The following CCDC180 variants were observed in gnomAD, a reference collection of about 807,000 sequenced individuals.
CCDC180 encodes the protein coiled-coil domain-containing protein 180.
CCDC180 carries 154 observed loss-of-function variants against 209.2 expected under a neutral mutation model. The observed-to-expected ratio is 0.74, with a 90% CI of 0.65 to 0.84. The LOEUF (loss-of-function observed/expected upper bound fraction) is 0.84, where lower values mean the gene tolerates loss of function less well. Ranked by LOEUF, CCDC180 falls within the 40% of genes least tolerant of loss-of-function variation. The pLI is 0.00. For missense variants in CCDC180, 1,874 were observed against 1,997.3 expected (o/e 0.94, Z 1.18); for synonymous variants, 778 against 749.1 (o/e 1.04, Z -0.63).
rs1587843171 is a variant in CCDC180 at position 97,378,382 on chromosome 9, G to T, written c.*1488G>T. 6.6e-6 allele frequency: 1 copy of T among 152,206 alleles called. No homozygotes were observed. The highest frequency in any genetic ancestry group is 3.4e-3 in the Middle Eastern group (1 of 294). The allele number at this position is 152,206 out of a possible 1,614,324, so 9.4% of individuals were successfully genotyped here. On this transcript the variant is annotated 3_prime_UTR_variant, in exon 37 of 37. Transcript: ENST00000529487. ...CCTTCAGTATTCATTTACATCATTG[G>T]TTTTCATACTTTTCTGACTCTGACC...
At position 97,312,760 on chromosome 9, in the gene CCDC180, A is replaced by G. The variant is rs377402311; in HGVS notation, c.350-476A>G. Among the ~76,000 whole-genome samples, 125 of 139,304 alleles carry G rather than the reference A, an allele frequency of 9.0e-4. 4 individuals carry two copies. The South Asian group carries it at 0.02, about 23-fold the overall frequency. 91.4% of individuals were successfully genotyped at this position (139,304 alleles called of 152,430 possible). On this transcript the variant is annotated intron_variant, in intron 4 of 36. Coordinates refer to ENST00000529487, the MANE Select transcript of CCDC180 (RefSeq NM_020893.6). ...TAAAGGGGACAGCAGAGCATATGGC[A>G]GGAGCACAGACCTGGAAGCAAGTGG... is the stretch of plus-strand genomic sequence containing the variant.
rs149686529 is a variant in CCDC180, at chr9:97,314,469, G to A, written c.536G>A (p.Arg179His). ...ACTGAGTCTGATGAAGAAATGAACC[G>A]TCTCTTCCTAAAGGTGGAAAATGAC... ...KLTESDEEMN[R>H]LFLKVENDTN... The change falls in exon 6 of 37, where the codon CGT (arginine) becomes CAT (histidine). Residue 179 changes from arginine (R) to histidine (H), a missense_variant. Physicochemically the swap from Arg to His is conservative, Grantham distance 29 (BLOSUM62 0). Coordinates refer to ENST00000529487, the MANE Select transcript of CCDC180 (RefSeq NM_020893.6). 8.9e-4 allele frequency: 1,430 copies of A among 1,614,088 alleles called. 3 individuals are homozygous for A. Among genetic ancestry groups the A allele is most frequent in the South Asian group, 3.1e-3 (282 of 91,080 alleles).
rs1355695937 is a variant in CCDC180 at position 97,359,983 on chromosome 9, C to G, written c.3365C>G (p.Thr1122Arg). 1.2e-6 allele frequency: 2 copies of G among 1,613,774 alleles called. No individual in the cohort carries two copies. The highest frequency in any genetic ancestry group is 1.7e-6 in the Non-Finnish European group (2 of 1,179,796). ...TCQESRGEKT[T>R]VTTEELLSFV... ...TTTCTTCCTCCCTTTTCTCACCAGACAGTGACCACAGAAGAACTCCTCAGC... is the reference window on the plus strand; with the variant it reads ...TTTCTTCCTCCCTTTTCTCACCAGAGAGTGACCACAGAAGAACTCCTCAGC... Residue 1122 changes from threonine to arginine, a missense_variant and splice_region_variant, in exon 26 of 37, where the codon ACA becomes AGA. By Grantham distance (71) the Thr-to-Arg change is moderately conservative. Transcript: ENST00000529487.
chr9:97,321,866 A>T (rs1246690846), intron 11 of CCDC180, among the ~76,000 whole-genome samples: 1 of 152,180 alleles, frequency 6.6e-6, no homozygotes, highest in Non-Finnish European at 1.5e-5. Context: ...CCAAGCAGGG[A>T]TACAGTGTAC....
chr9:97,374,851 G>C (rs1047933173), intron 35 of CCDC180, among the ~76,000 whole-genome samples: 4 of 152,204 alleles, frequency 2.6e-5, no homozygotes, highest in African/African-American at 9.7e-5. Flanking sequence ...GGTAGTACCT[G>C]GGGTGCCCCA....
chr9:97,351,036 A>G (rs1453798113), intron 22 of CCDC180, among the ~76,000 whole-genome samples: 1 of 152,134 alleles, frequency 6.6e-6, no homozygotes, highest in Non-Finnish European at 1.5e-5. Context: ...TATATATCAC[A>G]TTTTGTTTAC....
At chr9:97,364,233 G>A in intron 29 of CCDC180, 105 bp downstream of exon 29, 1 of 1,060,248 alleles carries the variant, frequency 9.4e-7, no homozygotes, top group Non-Finnish European at 1.4e-6. Context: ...GGGAAAGGCA[G>A]GTCCAAGCAG....
chr9:97,367,370 A>G (rs539959855), intron 31 of CCDC180, among the ~76,000 whole-genome samples: 2 of 152,176 alleles, frequency 1.3e-5, no homozygotes, highest in East Asian at 1.9e-4. Flanking sequence ...AGGAGAGTTC[A>G]GGGGATAGCC....
In CCDC180 at chr9:97,314,432, T is replaced by C. The variant is rs1833090550; in HGVS notation, c.499T>C (p.Leu167=). The change falls in exon 6 of 37, where the codon TTG becomes CTG. Residue 167 remains leucine (L), a synonymous_variant. Transcript: ENST00000529487. The part of the protein sequence containing the change: ...PLIVDTGGLF[L]KKLTESDEEM... ...CATCGTGGACACAGGGGGACTTTTT[T>C]TGAAGAAGCTGACTGAGTCTGATGA... 4 of 1,614,146 alleles carry C rather than the reference T, an allele frequency of 2.5e-6. No individual in the cohort carries two copies. Among genetic ancestry groups the C allele is most frequent in the East Asian group, 2.2e-5 (1 of 44,884 alleles).
At chr9:97,308,863 A>C (rs1265648409) in intron 2 of CCDC180, among the ~76,000 whole-genome samples, 5 of 152,200 alleles carry the variant, frequency 3.3e-5, no homozygotes, top group African/African-American at 1.2e-4. Context: ...GCCATTCTTA[A>C]CTCATGGCAT....
rs140341213 is a variant in CCDC180, at chr9:97,322,917, G to A, written c.1244G>A (p.Cys415Tyr). ...WQECLMHVQNCKKQLLDWKAF... is the reference protein window; with the variant it reads ...WQECLMHVQNYKKQLLDWKAF... ...GAGTGCCTGATGCATGTGCAGAATT[G>A]TAAGGTGGGCACCCTTCCTGCAGGC... The change falls in exon 12 of 37, where the codon TGT (cysteine) becomes TAT (tyrosine). Residue 415 changes from cysteine to tyrosine, a missense_variant. Physicochemically the swap from Cys to Tyr is radical, Grantham distance 194. Transcript: ENST00000529487. 20 of 1,613,672 alleles carry A rather than the reference G, an allele frequency of 1.2e-5. No individual in the cohort carries two copies. In the African/African-American group the frequency reaches 2.1e-4, roughly 17 times the overall value.
intron 29 of CCDC180, chr9:97,365,463 G>A: frequency 1.9e-6 from 1 of 538,266 alleles, no homozygotes; most frequent in Non-Finnish European, 3.3e-6. Flanking sequence ...TCTGAGGAAG[G>A]GCAGGAACAA....
chr9:97,330,601 C>A lies in CCDC180; in HGVS notation c.2108C>A (p.Ser703Tyr). ...LEEMQVEREG[S>Y]LNPSLNEENV... is the part of the protein sequence containing the mutation. ...GAAATGCAGGTTGAAAGAGAGGGCT[C>A]CTTAAACCCATCCCTGAATGAGGAG... Residue 703 changes from serine to tyrosine, a missense_variant, in exon 18 of 37, where the codon TCC becomes TAC. Transcript: ENST00000529487. 6.2e-7 allele frequency: 1 copy of A among 1,613,776 alleles called. No individual in the cohort carries two copies. The highest frequency in any genetic ancestry group is 8.5e-7 in the Non-Finnish European group (1 of 1,179,966).
At chr9:97,327,188 A>G (rs1158203746) in intron 15 of CCDC180, among the ~76,000 whole-genome samples, 1 of 152,148 alleles carries the variant, frequency 6.6e-6, no homozygotes, top group Non-Finnish European at 1.5e-5. Context: ...AAAAAATTTA[A>G]ACATGTACAT....
Position 97,357,624 on chromosome 9 carries a change from T to C in CCDC180, c.3265-3T>C. ...CAAAATCTCGGAACCTCTGGTTTTC[T>C]AGGTGGCAAAATCCAATTCGCAAAC... On this transcript the variant is annotated splice_region_variant and splice_polypyrimidine_tract_variant and intron_variant, in intron 24 of 36. Transcript: ENST00000529487. 1 of 1,608,998 alleles carries C rather than the reference T, an allele frequency of 6.2e-7. No individual in the cohort carries two copies. Among genetic ancestry groups the C allele is most frequent in the Non-Finnish European group, 8.5e-7 (1 of 1,176,900 alleles).
intron 21 of CCDC180, among the ~76,000 whole-genome samples, chr9:97,349,994 G>A (rs1826376686): frequency 6.6e-6 from 1 of 152,120 alleles, no homozygotes; most frequent in South Asian, 2.1e-4. Flanking sequence ...AATTTGATGT[G>A]CTCTGATCCA....
Position 97,375,329 on chromosome 9 carries a change from C to T in CCDC180, c.4707-125C>T. The stretch of plus-strand genomic sequence containing the variant: ...TCACATTCAGTATGTTTTTTCTTTT[C>T]ATTAAGATATTTAAAGCCATGATAA... On this transcript the variant is annotated intron_variant, in intron 35 of 36. Transcript: ENST00000529487. The T allele has an allele frequency of 3.9e-6, 5 of 1,294,176 alleles. No individual in the cohort carries two copies. The Admixed American group carries it at 6.2e-5, about 16-fold the overall frequency. The allele number at this position is 1,294,176 out of a possible 1,614,324, so 80.2% of individuals were successfully genotyped here.
chr9:97,311,386 AATGAGAAGTT>A (rs1460786661), intron 3 of CCDC180, among the ~76,000 whole-genome samples: 1 of 152,216 alleles, frequency 6.6e-6, no homozygotes, highest in Non-Finnish European at 1.5e-5. Context: ...ATGAGGGCTA[AATGAGAAGTT>A]GACTGGAAAG....
intron 24 of CCDC180, among the ~76,000 whole-genome samples, chr9:97,356,521 C>G (rs1438331779): frequency 6.6e-6 from 1 of 152,250 alleles, no homozygotes; most frequent in Non-Finnish European, 1.5e-5. Context: ...TCAGTAAAGG[C>G]AGGCTCTGGT....
Sources: gnomAD v4.1 joint callset for allele counts (sites outside exome capture counted in the v4.1 genomes callset) on GRCh38, gnomAD v4.1.1 for gene constraint, MANE v1.5 for transcripts, NCBI Gene and HGNC (gene_info 2026-07-23, HGNC 2026-07-21) for gene names.